Variants in WLS observed in about 807,000 individuals in gnomAD.
WLS encodes Wnt ligand secretion mediator, also known as protein wntless homolog.
A neutral mutation model predicts 62.8 loss-of-function variants in WLS; 23 were observed. That is an observed-to-expected ratio of 0.37 (90% CI 0.26 to 0.52). The LOEUF is 0.52. WLS is among the 20% of genes least tolerant of loss of function. The pLI is 0.92. For missense variants in WLS, 615 were observed against 697.3 expected, an observed-to-expected ratio of 0.88 and a Z score of 1.33; for synonymous variants, 246 against 244.1, an observed-to-expected ratio of 1.01 and a Z score of -0.07.
At chr1:68,135,648 G>A (rs1335025406) in intron 11 of WLS, among the ~76,000 whole-genome samples, 1 of 152,126 alleles carries the variant, frequency 6.6e-6, no homozygotes, top group Non-Finnish European at 1.5e-5. Flanking sequence ...CATCATCCAG[G>A]AAGTCCAGCC....
At position 68,160,071 on chromosome 1, in the gene WLS, C is replaced by CTTTTTT. The variant is rs58448910; in HGVS notation, c.380-830_380-825dup. Among the ~76,000 whole-genome samples, 201 of 93,530 alleles carry CTTTTTT rather than the reference C, an allele frequency of 2.1e-3. 5 individuals carry two copies. The highest frequency in any genetic ancestry group is 6.9e-3 in the African/African-American group (183 of 26,478). The allele number at this position is 93,530 out of a possible 152,430, so 61.4% of individuals were successfully genotyped here. A position where few individuals can be genotyped will look rare whatever the true frequency, so the allele number is the denominator to read the frequency against. ...TGAGCAAGTTCAAGAGCAGAGAAGTCTTTTTTTTTTTTTTTTTTTTTTGAG... is the reference window on the plus strand; with the variant it reads ...TGAGCAAGTTCAAGAGCAGAGAAGTCTTTTTTTTTTTTTTTTTTTTTTTTTTTTGAG... On this transcript the variant is annotated intron_variant, in intron 2 of 11. Transcript: ENST00000262348.
At chr1:68,178,580 C>G (rs1647364093) in intron 2 of WLS, among the ~76,000 whole-genome samples, 1 of 152,090 alleles carries the variant, frequency 6.6e-6, no homozygotes, top group African/African-American at 2.4e-5. Flanking sequence ...GTGGCACACG[C>G]CTGTAATCCC....
At chr1:68,172,241 C>T (rs1647164836) in intron 2 of WLS, among the ~76,000 whole-genome samples, 1 of 151,586 alleles carries the variant, frequency 6.6e-6, no homozygotes, top group Non-Finnish European at 1.5e-5. Context: ...AGCAAACCAC[C>T]ATGGCACATG....
intron 3 of WLS, among the ~76,000 whole-genome samples, chr1:68,157,606 A>C: frequency 6.7e-6 from 1 of 149,432 alleles, no homozygotes; most frequent in African/African-American, 2.5e-5. Context: ...TTCACAATCC[A>C]CCAGGGACTC....
At chr1:68,173,243 G>A (rs1647181290) in intron 2 of WLS, among the ~76,000 whole-genome samples, 1 of 152,218 alleles carries the variant, frequency 6.6e-6, no homozygotes, top group Non-Finnish European at 1.5e-5. Context: ...TGTGGCAACA[G>A]CACTTTCCTA....
chr1:68,123,528 A>G (rs1010228035), downstream of WLS, among the ~76,000 whole-genome samples: 2 of 151,548 alleles, frequency 1.3e-5, no homozygotes, highest in Admixed American at 6.6e-5. Context: ...CCTCAGTTCT[A>G]ATTGTTAGCT....
chr1:68,098,559 G>T (rs116345986), exon 12 of WLS: 2 of 1,581,100 alleles, frequency 1.3e-6, no homozygotes, highest in African/African-American at 2.7e-5. Context: ...ATTTGTGTGC[G>T]TATACAAGTA....
rs574246425 is a variant in WLS at position 68,099,632 on chromosome 1, A to G, written c.1511-879T>C. The G allele has an allele frequency of 2.8e-4, 43 of 152,330 alleles. 1 individual carries two copies. The highest frequency in any genetic ancestry group is 9.1e-4 in the African/African-American group (38 of 41,578). The allele number at this position is 152,330 out of a possible 1,614,324, so 9.4% of individuals were successfully genotyped here. A position where few individuals can be genotyped will look rare whatever the true frequency, so the allele number is the denominator to read the frequency against. On this transcript the variant is annotated intron_variant, in intron 11 of 11. Transcript: ENST00000354777. ...ATATACTTTAAATAATCTTTAGATT[A>G]CCTATAATACCTAATACAATATAAA...
rs1646423732 is a variant in WLS at position 68,125,960 on chromosome 1, AT to A, written c.*265del. 1 of 1,231,442 alleles carries A rather than the reference AT, an allele frequency of 8.1e-7. No homozygotes were observed. The highest frequency in any genetic ancestry group is 1.5e-5 in the African/African-American group (1 of 64,952). 76.3% of individuals were successfully genotyped at this position (1,231,442 alleles called of 1,614,324 possible). A position where few individuals can be genotyped will look rare whatever the true frequency, so the allele number is the denominator to read the frequency against. ...CTAACCAGCTGCTACAGATGTTACT[AT>A]GTCACTAATTAACAATGATCACAGA... On this transcript the variant is annotated 3_prime_UTR_variant, in exon 12 of 12. Coordinates refer to ENST00000262348, the MANE Select transcript of WLS (RefSeq NM_024911.7).
chr1:68,116,574 T>C (rs1646294676), intron 11 of WLS, among the ~76,000 whole-genome samples: 1 of 152,196 alleles, frequency 6.6e-6, no homozygotes, highest in Admixed American at 6.5e-5. Context: ...CTCATAGGAT[T>C]CATTTAAGGA....
chr1:68,221,330 C>A (rs1324689319), intron 1 of WLS, among the ~76,000 whole-genome samples: 1 of 152,096 alleles, frequency 6.6e-6, no homozygotes, highest in African/African-American at 2.4e-5. Context: ...CTCATATGAT[C>A]CTCAAGAAGC....
Position 68,162,200 on chromosome 1 carries a change from G to A in WLS, c.380-2953C>T, listed in dbSNP as rs145065644. ...GCAAAGCTAAAGGGCTCCGACTCAC[G>A]CACATAGAGGGCTGCCCCTCGTATC... On this transcript the variant is annotated intron_variant, in intron 2 of 11. Transcript: ENST00000262348. 7.0e-6 allele frequency: 10 copies of A among 1,433,228 alleles called. No individual in the cohort carries two copies. In the Admixed American group the frequency reaches 1.2e-4, roughly 17 times the overall value. 88.8% of individuals were successfully genotyped at this position (1,433,228 alleles called of 1,614,324 possible).
chr1:68,178,712 AAAAAAAAG>A (rs1330119707), intron 2 of WLS, among the ~76,000 whole-genome samples: 1 of 151,932 alleles, frequency 6.6e-6, no homozygotes, highest in African/African-American at 2.4e-5. Context: ...TTTCAAAAAA[AAAAAAAAG>A]AAAAGAAAAG....
intron 1 of WLS, among the ~76,000 whole-genome samples, chr1:68,230,235 A>G (rs949798884): frequency 6.6e-6 from 1 of 152,128 alleles, no homozygotes; most frequent in Admixed American, 6.5e-5. Context: ...ACACCAGGAA[A>G]CTATGTGTAA....
intron 2 of WLS, among the ~76,000 whole-genome samples, chr1:68,168,234 C>T (rs927253669): frequency 6.6e-6 from 1 of 152,076 alleles, no homozygotes; most frequent in Non-Finnish European, 1.5e-5. Context: ...ATGAAAAGGC[C>T]ACTAGAGCCT....
intron 2 of WLS, among the ~76,000 whole-genome samples, chr1:68,187,072 C>T (rs1272009824): frequency 2.0e-5 from 3 of 150,568 alleles, no homozygotes; most frequent in East Asian, 3.9e-4. Flanking sequence ...ATTAGCCGGG[C>T]GTGGTGGCAG....
intron 1 of WLS, among the ~76,000 whole-genome samples, chr1:68,221,624 C>T (rs1407640307): frequency 1.3e-5 from 2 of 152,100 alleles, no homozygotes; most frequent in Non-Finnish European, 2.9e-5. Context: ...GAAATAGAAC[C>T]TCAAAAAGGG....
rs34130992 is a variant in WLS at position 68,187,189 on chromosome 1, C to CAAAAAAAAAAA, written c.379+6755_379+6765dup. ...GGGGGACAGAGCAAGACTCCATCTCCAAAAAAAAAAAAAAAAAAAAAATTA... is the reference window on the plus strand; with the variant it reads ...GGGGGACAGAGCAAGACTCCATCTCCAAAAAAAAAAAAAAAAAAAAAAAAAAAAAAAAATTA... On this transcript the variant is annotated intron_variant, in intron 2 of 11. Transcript: ENST00000262348. 3.3e-4 allele frequency among the ~76,000 whole-genome samples: 19 copies of CAAAAAAAAAAA among 57,164 alleles called. 1 individual carries two copies. The highest frequency in any genetic ancestry group is 1.9e-3 in the South Asian group (3 of 1,574). 37.5% of individuals were successfully genotyped at this position (57,164 alleles called of 152,430 possible).
At chr1:68,145,453 G>A (rs1353146726) in intron 9 of WLS, among the ~76,000 whole-genome samples, 1 of 152,158 alleles carries the variant, frequency 6.6e-6, no homozygotes, top group Non-Finnish European at 1.5e-5. Flanking sequence ...CCTGTTAAGA[G>A]TCTGGAAATC....
Sources: gnomAD v4.1 joint callset for allele counts (sites outside exome capture counted in the v4.1 genomes callset) on GRCh38, gnomAD v4.1.1 for gene constraint, MANE v1.5 for transcripts, NCBI Gene and HGNC (gene_info 2026-07-23, HGNC 2026-07-21) for gene names.